The following PCGF5 variants were observed in gnomAD, a reference collection of about 807,000 sequenced individuals.
The protein encoded by PCGF5 is polycomb group RING finger protein 5.
A neutral mutation model predicts 44.3 loss-of-function variants in PCGF5; 9 were observed. The observed-to-expected ratio is 0.20, with a 90% CI of 0.12 to 0.35. PCGF5 has a LOEUF of 0.35. Ranked by LOEUF, PCGF5 falls within the 10% of genes least tolerant of loss-of-function variation. The pLI, the probability that PCGF5 is intolerant of heterozygous loss-of-function variation, is 1.00. For missense variants in PCGF5, 146 were observed against 305.3 expected (o/e 0.48, Z 3.89); for synonymous variants, 95 against 102.5 (o/e 0.93, Z 0.44).
chr10:91,282,048 A>C lies in PCGF5; in HGVS notation c.*3732A>C, dbSNP rs1439550815. ...CTCCTGTATTATTCATAATATGAGA[A>C]ATTTTATTAAAGGCAGACTTTGGTA... On this transcript the variant is annotated 3_prime_UTR_variant, in exon 10 of 10. Coordinates refer to ENST00000336126, the MANE Select transcript of PCGF5 (RefSeq NM_032373.5). 1 of 152,220 alleles carries C rather than the reference A, an allele frequency of 6.6e-6. No individual in the cohort carries two copies. The highest frequency in any genetic ancestry group is 6.5e-5 in the Admixed American group (1 of 15,274). The allele number at this position is 152,220 out of a possible 1,614,324, so 9.4% of individuals were successfully genotyped here. A position where few individuals can be genotyped will look rare whatever the true frequency, so the allele number is the denominator to read the frequency against.
intron 6 of PCGF5, among the ~76,000 whole-genome samples, chr10:91,254,900 G>A (rs139003824): frequency 3.3e-5 from 5 of 152,186 alleles, no homozygotes; most frequent in African/African-American, 9.6e-5. Flanking sequence ...CTAACTATCA[G>A]TATAAAGGGT....
rs1846506063 is a variant in PCGF5, at chr10:91,283,672, T to C, written c.*5356T>C. The C allele has an allele frequency of 6.6e-6, 1 of 152,264 alleles. No individual in the cohort carries two copies. The highest frequency in any genetic ancestry group is 1.5e-5 in the Non-Finnish European group (1 of 68,100). The allele number at this position is 152,264 out of a possible 1,614,324, so 9.4% of individuals were successfully genotyped here. On this transcript the variant is annotated 3_prime_UTR_variant, in exon 10 of 10. Coordinates refer to ENST00000336126, the MANE Select transcript of PCGF5 (RefSeq NM_032373.5). ...GGGGGTGGGGGCCTAAGTGTCCTTA[T>C]GAAGCTGTGGTCCACGACAGGAGCT...
intron 3 of PCGF5, among the ~76,000 whole-genome samples, chr10:91,245,003 A>G (rs957842290): frequency 1.6e-4 from 24 of 152,176 alleles, no homozygotes; most frequent in African/African-American, 5.8e-4. Context: ...AGTCTTCAAC[A>G]TATAGAAGGT....
In PCGF5 at chr10:91,262,235, G is replaced by T. The variant is rs148404482; in HGVS notation, c.573+811G>T. 1.8e-3 allele frequency among the ~76,000 whole-genome samples: 277 copies of T among 152,212 alleles called. 1 individual carries two copies. Among genetic ancestry groups the T allele is most frequent in the African/African-American group, 6.2e-3 (256 of 41,514 alleles). On this transcript the variant is annotated intron_variant, in intron 7 of 9. Transcript: ENST00000336126. ...AAGGTCAGGAGTTTGAGACCAACCTGGCCAACATGGTAAAACCCTGTGTGT... is the reference window on the plus strand; with the variant it reads ...AAGGTCAGGAGTTTGAGACCAACCTTGCCAACATGGTAAAACCCTGTGTGT...
chr10:91,228,763 GC>G (rs1483620286), intron 2 of PCGF5, among the ~76,000 whole-genome samples: 1 of 152,152 alleles, frequency 6.6e-6, no homozygotes, highest in East Asian at 1.9e-4. Flanking sequence ...ACATACACAT[GC>G]TACTCAAAGT....
chr10:91,270,023 C>G (rs866697772), intron 8 of PCGF5, among the ~76,000 whole-genome samples: 6 of 152,186 alleles, frequency 3.9e-5, no homozygotes, highest in Non-Finnish European at 8.8e-5. Flanking sequence ...AAGTGTTTAG[C>G]AGAGTGTCTG....
At chr10:91,221,222 T>C (rs1411674394) in intron 1 of PCGF5, among the ~76,000 whole-genome samples, 1 of 152,140 alleles carries the variant, frequency 6.6e-6, no homozygotes, top group Non-Finnish European at 1.5e-5. Flanking sequence ...TTGCAAGTTC[T>C]TGCTTCCCTT....
At chr10:91,164,404 T>C (rs1843459501) in intron 1 of PCGF5, among the ~76,000 whole-genome samples, 1 of 152,304 alleles carries the variant, frequency 6.6e-6, no homozygotes, top group East Asian at 1.9e-4. Context: ...CTGGCTACAT[T>C]AACCGGTTGA....
Position 91,278,650 on chromosome 10 carries a change from A to G in PCGF5, c.*334A>G. On this transcript the variant is annotated 3_prime_UTR_variant, in exon 10 of 10. Coordinates refer to ENST00000336126, the MANE Select transcript of PCGF5 (RefSeq NM_032373.5). ...CAAGATTGTTCTAATGTTTAATTAC[A>G]CTAGTAAAATGGCTCAATTTTTGTG... is the stretch of plus-strand genomic sequence containing the variant. 1 of 252,270 alleles carries G rather than the reference A, an allele frequency of 4.0e-6. No individual in the cohort carries two copies. 15.6% of individuals were successfully genotyped at this position (252,270 alleles called of 1,614,324 possible).
intron 3 of PCGF5, among the ~76,000 whole-genome samples, chr10:91,245,424 C>T (rs1309809757): frequency 6.6e-6 from 1 of 151,990 alleles, no homozygotes; most frequent in African/African-American, 2.4e-5. Flanking sequence ...GAATTAGCAA[C>T]AGTGAGTATA....
chr10:91,248,441 A>T, intron 3 of PCGF5, 64 bp from the exon 4 acceptor site: 1 of 1,375,966 alleles, frequency 7.3e-7, no homozygotes, highest in Non-Finnish European at 1.0e-6. Flanking sequence ...TACATCTCAG[A>T]CTATTTACAT....
chr10:91,213,767 G>A (rs566967517), intron 1 of PCGF5, among the ~76,000 whole-genome samples: 16 of 152,066 alleles, frequency 1.1e-4, no homozygotes, highest in Admixed American at 9.8e-4. Flanking sequence ...TTACAGGCGT[G>A]AGCCACCATG....
intron 1 of PCGF5, among the ~76,000 whole-genome samples, chr10:91,185,765 G>T (rs966231774): frequency 6.6e-6 from 1 of 152,176 alleles, no homozygotes; most frequent in Non-Finnish European, 1.5e-5. Context: ...GATTGGTGGG[G>T]CAAGTGTGGT....
intron 6 of PCGF5, among the ~76,000 whole-genome samples, chr10:91,253,538 G>A (rs1291041357): frequency 1.3e-5 from 2 of 151,928 alleles, no homozygotes; most frequent in African/African-American, 4.8e-5. Flanking sequence ...TCTAACTTTG[G>A]TCCAAACATG....
chr10:91,275,655 G>A (rs983196676), intron 9 of PCGF5, among the ~76,000 whole-genome samples: 5 of 142,470 alleles, frequency 3.5e-5, no homozygotes, highest in East Asian at 2.0e-4. Flanking sequence ...GGGTTTCACC[G>A]TGTTGGCCAG....
chr10:91,235,635 A>G (rs1238033286), intron 2 of PCGF5, among the ~76,000 whole-genome samples: 1 of 152,112 alleles, frequency 6.6e-6, no homozygotes, highest in Non-Finnish European at 1.5e-5. Context: ...CACAATTTCC[A>G]TGTGTTGTGG....
chr10:91,227,960 AT>A (rs1277136855), intron 2 of PCGF5: 15 of 952,384 alleles, frequency 1.6e-5, no homozygotes, highest in Non-Finnish European at 1.7e-5. Context: ...CTAATAAGTT[AT>A]TTTATTGTGT....
At chr10:91,230,132 T>G (rs1215524283) in intron 2 of PCGF5, among the ~76,000 whole-genome samples, 2 of 152,232 alleles carry the variant, frequency 1.3e-5, no homozygotes, top group Non-Finnish European at 2.9e-5. Context: ...CAAAACGTCA[T>G]AGTGGACACT....
chr10:91,174,375 TG>T (rs1368869466), intron 1 of PCGF5, among the ~76,000 whole-genome samples: 1 of 151,950 alleles, frequency 6.6e-6, no homozygotes, highest in Non-Finnish European at 1.5e-5. Flanking sequence ...GGTGTGGCGG[TG>T]CATGCCTGTA....
Sources: allele counts gnomAD v4.1 joint callset (sites outside exome capture counted in the v4.1 genomes callset), GRCh38; gene constraint gnomAD v4.1.1; transcripts MANE v1.5; gene names NCBI Gene and HGNC (gene_info 2026-07-23, HGNC 2026-07-21).